RGL4: variants seen among roughly 807,000 people sequenced by gnomAD.
RGL4 encodes the protein ral guanine nucleotide dissociation stimulator like 4, also known as ral-GDS-related protein.
In RGL4, 41 loss-of-function variants were observed where a neutral mutation model predicts 49.6. That is an observed-to-expected ratio of 0.83 (90% CI 0.64 to 1.07). The LOEUF (loss-of-function observed/expected upper bound fraction) is 1.07, where lower values mean the gene tolerates loss of function less well. RGL4 is among the 50% of genes least tolerant of loss of function. RGL4 has a pLI of 0.00. For synonymous variants in RGL4, 255 were observed against 238.0 expected (o/e 1.07, Z -0.66); for missense variants, 610 against 591.9 (o/e 1.03, Z -0.32).
rs60344348 is a variant in RGL4 at position 23,695,438 on chromosome 22, T to TCTGCTG, written c.1086+453_1086+458dup. On this transcript the variant is annotated intron_variant, in intron 6 of 10. Coordinates refer to ENST00000290691, the MANE Select transcript of RGL4 (RefSeq NM_153615.2). ...CAGCAATTCCTCAGGAAGCCAGGCCTCTGCTGCTGCTGCTGCTGCTGCTGC... is the reference window on the plus strand; with the variant it reads ...CAGCAATTCCTCAGGAAGCCAGGCCTCTGCTGCTGCTGCTGCTGCTGCTGCTGCTGC... The TCTGCTG allele has an allele frequency of 2.9e-4, 158 of 548,562 alleles. 1 individual carries two copies. The highest frequency in any genetic ancestry group is 1.4e-3 in the Middle Eastern group (3 of 2,098). 34.0% of individuals were successfully genotyped at this position (548,562 alleles called of 1,614,324 possible).
At position 23,693,774 on chromosome 22, in the gene RGL4, G is replaced by A. The variant is rs1232888636; in HGVS notation, c.712G>A (p.Val238Met). ...TLMDAELFKK[V>M]VLHECLGCIW... ...TCCCCCAAAGGAGCTGTTCAAGAAGGTGGTGCTCCACGAATGCTTGGGCTG... is the reference window on the plus strand; with the variant it reads ...TCCCCCAAAGGAGCTGTTCAAGAAGATGGTGCTCCACGAATGCTTGGGCTG... The change falls in exon 4 of 11, where the codon GTG becomes ATG. Residue 238 changes from valine to methionine, a missense_variant. Val to Met is a conservative substitution (Grantham distance 21). Transcript: ENST00000290691. The A allele has an allele frequency of 1.9e-6, 3 of 1,613,962 alleles. No homozygotes were observed. Among genetic ancestry groups the A allele is most frequent in the African/African-American group, 1.3e-5 (1 of 74,896 alleles).
At chr22:23,693,061 C>G (rs902879584) in intron 3 of RGL4, 70 bp downstream of exon 3, 11 of 1,501,796 alleles carry the variant, frequency 7.3e-6, no homozygotes, top group Non-Finnish European at 8.9e-6. Flanking sequence ...CCCTGAGGAG[C>G]AGCCAATGCC....
chr22:23,695,441 G>T (rs1601287987), intron 6 of RGL4: 1 of 170,136 alleles, frequency 5.9e-6, no homozygotes, highest in Non-Finnish European at 6.8e-6. Context: ...CCAGGCCTCT[G>T]CTGCTGCTGC....
At chr22:23,692,287 T>C in intron 1 of RGL4, 48 bp from the exon 2 acceptor site, 1 of 1,609,106 alleles carries the variant, frequency 6.2e-7, no homozygotes, top group Non-Finnish European at 8.5e-7. Flanking sequence ...TGGAGGGTTG[T>C]GTGGGAGAAG....
Position 23,692,794 on chromosome 22 carries a change from T to A in RGL4, c.499T>A (p.Tyr167Asn). Residue 167 changes from tyrosine (Y) to asparagine (N), a missense_variant, in exon 3 of 11, where the codon TAT (tyrosine) becomes AAT (asparagine). Physicochemically the swap from Tyr to Asn is moderately radical, Grantham distance 143 (BLOSUM62 -2). Coordinates refer to ENST00000290691, the MANE Select transcript of RGL4 (RefSeq NM_153615.2). ...ACCTGCAGCCCTGGGTCCACCAGGATATCTACATTCAGCACCAGGGCCAGC... is the reference window on the plus strand; with the variant it reads ...ACCTGCAGCCCTGGGTCCACCAGGAAATCTACATTCAGCACCAGGGCCAGC... ...ESPAALGPPG[Y>N]LHSAPGPAPA... is the part of the protein sequence containing the mutation. 1 of 1,613,512 alleles carries A rather than the reference T, an allele frequency of 6.2e-7. No homozygotes were observed. The highest frequency in any genetic ancestry group is 2.2e-5 in the East Asian group (1 of 44,874).
In RGL4 at chr22:23,697,315, G is replaced by C. The variant is rs113678815; in HGVS notation, c.1236+70G>C. ...GCTTGGGAGGAGAGGGTCCTGGACC[G>C]AGCCTTTAGATCTCAGCCCTTGGCA... On this transcript the variant is annotated intron_variant, in intron 8 of 10. Coordinates refer to ENST00000290691, the MANE Select transcript of RGL4 (RefSeq NM_153615.2). The C allele has an allele frequency of 4.7e-4, 600 of 1,268,914 alleles. 2 individuals are homozygous for C. The African/African-American group carries it at 8.0e-3, about 17-fold the overall frequency. The allele number at this position is 1,268,914 out of a possible 1,614,324, so 78.6% of individuals were successfully genotyped here. A position where few individuals can be genotyped will look rare whatever the true frequency, so the allele number is the denominator to read the frequency against.
Position 23,698,832 on chromosome 22 carries a change from T to A in RGL4, c.1383-12T>A. ...CTCATGGTGGCCTCACAGCTGCTTC[T>A]CTGTCCTGCAGCTACAAGCTGTCCT... On this transcript the variant is annotated splice_polypyrimidine_tract_variant and intron_variant, in intron 10 of 10. Coordinates refer to ENST00000290691, the MANE Select transcript of RGL4 (RefSeq NM_153615.2). 1.2e-6 allele frequency: 2 copies of A among 1,609,554 alleles called. No individual in the cohort carries two copies. The highest frequency in any genetic ancestry group is 1.7e-6 in the Non-Finnish European group (2 of 1,178,078).
rs1163399582 is a variant in RGL4, at chr22:23,698,205, T to A, written c.1261-7T>A. 2.5e-6 allele frequency: 4 copies of A among 1,601,720 alleles called. No individual in the cohort carries two copies. The highest frequency in any genetic ancestry group is 1.7e-5 in the Admixed American group (1 of 59,750). On this transcript the variant is annotated splice_polypyrimidine_tract_variant and splice_region_variant and intron_variant, in intron 9 of 10. Transcript: ENST00000290691. ...GGCCCTGTCAGCATCCTGTCCTCTG[T>A]CTCTAGGAGGTCCGAGTTCTGCAGG...
intron 3 of RGL4, among the ~76,000 whole-genome samples, chr22:23,693,345 G>T (rs1322518463): frequency 2.0e-5 from 3 of 152,186 alleles, no homozygotes; most frequent in Non-Finnish European, 2.9e-5. Flanking sequence ...ATGCATACTG[G>T]ATTCTATGGT....
chr22:23,698,721 G>A (rs28709754), intron 10 of RGL4, 123 bp from the exon 11 acceptor site: 32 of 1,271,988 alleles, frequency 2.5e-5, no homozygotes, highest in African/African-American at 4.4e-5. Flanking sequence ...ATGCCTCCAC[G>A]GCCAGCATCA....
intron 4 of RGL4, 64 bp downstream of exon 4, chr22:23,694,038 T>G (rs1601286084): frequency 6.9e-7 from 1 of 1,444,278 alleles, no homozygotes; most frequent in African/African-American, 1.4e-5. Flanking sequence ...TTCTCCTCCA[T>G]CGGCTTTCAG....
intron 2 of RGL4, 45 bp downstream of exon 2, chr22:23,692,573 T>TG: frequency 6.3e-7 from 1 of 1,590,174 alleles, no homozygotes; most frequent in Non-Finnish European, 8.6e-7. Context: ...GGTGGTGTTT[T>TG]GGGGCTACAA....
chr22:23,697,626 G>A (rs879546915), intron 8 of RGL4, among the ~76,000 whole-genome samples: 2 of 152,212 alleles, frequency 1.3e-5, no homozygotes, highest in Non-Finnish European at 2.9e-5. Flanking sequence ...CAGTTTCCCT[G>A]TCTGTCATCA....
Position 23,695,036 on chromosome 22 carries a change from G to C in RGL4, c.1086+17G>C. On this transcript the variant is annotated intron_variant, in intron 6 of 10. Coordinates refer to ENST00000290691, the MANE Select transcript of RGL4 (RefSeq NM_153615.2). ...CTGATCAAGGTACAGTGGAGTCTGG[G>C]AGATGCAGGACAAGTGTTTAAGGGT... The C allele has an allele frequency of 1.3e-6, 2 of 1,580,478 alleles. No homozygotes were observed. The highest frequency in any genetic ancestry group is 8.7e-7 in the Non-Finnish European group (1 of 1,149,618).
In RGL4 at chr22:23,696,304, T is replaced by C. The variant is rs143198528; in HGVS notation, c.1087-310T>C. Reference sequence around the variant, plus strand: ...TCAAGAAAAGAAAGCAATTTGAGGGTGCTCGTGCCTGGTTCTTCCTCAGAG... The same window carrying C: ...TCAAGAAAAGAAAGCAATTTGAGGGCGCTCGTGCCTGGTTCTTCCTCAGAG... On this transcript the variant is annotated intron_variant, in intron 6 of 10. Transcript: ENST00000290691. 2,730 of 1,296,946 alleles carry C rather than the reference T, an allele frequency of 2.1e-3. 50 individuals are homozygous for C. The Admixed American group carries it at 0.046, about 22-fold the overall frequency. The allele number at this position is 1,296,946 out of a possible 1,614,324, so 80.3% of individuals were successfully genotyped here. A position where few individuals can be genotyped will look rare whatever the true frequency, so the allele number is the denominator to read the frequency against.
rs1209183235 is a variant in RGL4 at position 23,698,344 on chromosome 22, A to G, written c.1382+11A>G. On this transcript the variant is annotated intron_variant, in intron 10 of 10. Coordinates refer to ENST00000290691, the MANE Select transcript of RGL4 (RefSeq NM_153615.2). ...CAGTGACAAAGAGAGGTGAGGGCCTAGCCCATGGGCTGAGGGTGGGAGAAG... is the reference window on the plus strand; with the variant it reads ...CAGTGACAAAGAGAGGTGAGGGCCTGGCCCATGGGCTGAGGGTGGGAGAAG... The G allele has an allele frequency of 1.9e-6, 3 of 1,598,712 alleles. No individual in the cohort carries two copies. The highest frequency in any genetic ancestry group is 2.6e-6 in the Non-Finnish European group (3 of 1,167,684).
intron 6 of RGL4, chr22:23,695,454 C>A: frequency 1.7e-6 from 1 of 601,422 alleles, no homozygotes. Flanking sequence ...GCTGCTGCTG[C>A]TGCTGCTGCT....
Position 23,695,000 on chromosome 22 carries a change from A to AG in RGL4, c.1068dup (p.Arg357GlufsTer11), listed in dbSNP as rs1423568317. ...CTCTGCAAAAAAGACACTGCAGTGA[A>AG]GAGGGACCTACTGATCAAGGTACAG... is the stretch of plus-strand genomic sequence containing the variant. On this transcript the variant is annotated frameshift_variant, in exon 6 of 11. Transcript: ENST00000290691. LOFTEE classifies it high-confidence loss of function. 2.4e-5 allele frequency: 39 copies of AG among 1,612,852 alleles called. No homozygotes were observed. The highest frequency in any genetic ancestry group is 3.3e-5 in the Non-Finnish European group (39 of 1,178,906).
At chr22:23,698,047 C>T in intron 9 of RGL4, 165 bp from the exon 10 acceptor site, 1 of 1,180,724 alleles carries the variant, frequency 8.5e-7, no homozygotes, top group African/African-American at 1.5e-5. Context: ...AGACCAATTC[C>T]TGCAGGAGGG....
Sources: allele counts gnomAD v4.1 joint callset (sites outside exome capture counted in the v4.1 genomes callset), GRCh38; gene constraint gnomAD v4.1.1; transcripts MANE v1.5; gene names NCBI Gene and HGNC (gene_info 2026-07-23, HGNC 2026-07-21).